SDCCAG8: variants seen among roughly 807,000 people sequenced by gnomAD.
The protein encoded by SDCCAG8 is serologically defined colon cancer antigen 8.
In SDCCAG8, 74 loss-of-function variants were observed where a neutral mutation model predicts 101.8. That is an observed-to-expected ratio of 0.73 (90% CI 0.60 to 0.88). The LOEUF is 0.88. Ranked by LOEUF, SDCCAG8 falls within the 40% of genes least tolerant of loss-of-function variation. The probability of loss-of-function intolerance (pLI) is 0.00; values close to 1 mark genes in which losing one functional copy is unlikely to be tolerated. For missense variants in SDCCAG8, 787 were observed against 822.6 expected (o/e 0.96, Z 0.53); for synonymous variants, 281 against 292.9 (o/e 0.96, Z 0.41).
intron 13 of SDCCAG8, among the ~76,000 whole-genome samples, chr1:243,381,819 C>T (rs1411271554): frequency 6.6e-6 from 1 of 152,132 alleles, no homozygotes; most frequent in Non-Finnish European, 1.5e-5. Context: ...ACTGTGACAA[C>T]AGTGCAATGA....
intron 12 of SDCCAG8, among the ~76,000 whole-genome samples, chr1:243,351,987 T>C (rs980090221): frequency 5.3e-5 from 8 of 152,214 alleles, no homozygotes; most frequent in Admixed American, 4.6e-4. Flanking sequence ...TTGTTAATGA[T>C]TTAGGCAGTT....
At chr1:243,257,319 T>A (rs1023154514) in intron 1 of SDCCAG8, among the ~76,000 whole-genome samples, 24 of 152,172 alleles carry the variant, frequency 1.6e-4, no homozygotes, top group African/African-American at 5.6e-4. Context: ...TTGAGAATAC[T>A]AAGTTATGAA....
chr1:243,289,165 T>G (rs541204971), intron 5 of SDCCAG8, among the ~76,000 whole-genome samples: 1 of 152,294 alleles, frequency 6.6e-6, no homozygotes. Flanking sequence ...ACAGGCCATC[T>G]GCAAGCTGAG....
chr1:243,461,863 C>G (rs1315800185), intron 16 of SDCCAG8, among the ~76,000 whole-genome samples: 2 of 152,162 alleles, frequency 1.3e-5, no homozygotes, highest in Admixed American at 6.5e-5. Context: ...AGCCCTCACA[C>G]ACATATTTAC....
intron 16 of SDCCAG8, among the ~76,000 whole-genome samples, chr1:243,460,876 A>C (rs1405118253): frequency 6.6e-6 from 1 of 152,192 alleles, no homozygotes; most frequent in Admixed American, 6.5e-5. Context: ...CTCCCAGCAC[A>C]CCTGAAGAAA....
chr1:243,393,358 CAGAT>C (rs2078831985), intron 13 of SDCCAG8, among the ~76,000 whole-genome samples: 4 of 151,952 alleles, frequency 2.6e-5, no homozygotes, highest in Admixed American at 2.6e-4. Context: ...CAGACAGTAA[CAGAT>C]AGGGCAGCTG....
intron 16 of SDCCAG8, among the ~76,000 whole-genome samples, chr1:243,441,485 C>A (rs770303596): frequency 2.0e-5 from 3 of 151,960 alleles, no homozygotes; most frequent in Non-Finnish European, 4.4e-5. Flanking sequence ...CTCTTCATTT[C>A]TAGAAGGAAA....
At chr1:243,271,963 A>G (rs1291062512) in intron 3 of SDCCAG8, among the ~76,000 whole-genome samples, 1 of 152,222 alleles carries the variant, frequency 6.6e-6, no homozygotes, top group South Asian at 2.1e-4. Context: ...TTGCTTTGAC[A>G]GAGTGTATTA....
At chr1:243,276,874 A>G (rs2068617196) in intron 4 of SDCCAG8, among the ~76,000 whole-genome samples, 1 of 152,160 alleles carries the variant, frequency 6.6e-6, no homozygotes, top group Non-Finnish European at 1.5e-5. Flanking sequence ...TGACTTGCAG[A>G]ATGTCATATA....
intron 16 of SDCCAG8, among the ~76,000 whole-genome samples, chr1:243,473,982 T>A (rs959271129): frequency 7.0e-6 from 1 of 143,310 alleles, no homozygotes; most frequent in Non-Finnish European, 1.5e-5. Flanking sequence ...CTTGCCAGTT[T>A]CAATTAAGTC....
At chr1:243,389,510 G>T (rs992776934) in intron 13 of SDCCAG8, among the ~76,000 whole-genome samples, 2 of 152,182 alleles carry the variant, frequency 1.3e-5, no homozygotes, top group Non-Finnish European at 2.9e-5. Flanking sequence ...ATCTACAGAA[G>T]TATTTGGCAA....
chr1:243,347,250 A>T (rs1474042349), intron 12 of SDCCAG8, among the ~76,000 whole-genome samples: 3 of 151,954 alleles, frequency 2.0e-5, no homozygotes, highest in Non-Finnish European at 4.4e-5. Context: ...ATGTTATTTT[A>T]CTCATAAATA....
intron 13 of SDCCAG8, among the ~76,000 whole-genome samples, chr1:243,383,491 G>T (rs112414600): frequency 6.6e-6 from 1 of 152,248 alleles, no homozygotes; most frequent in African/African-American, 2.4e-5. Context: ...TGGACATTAG[G>T]CATTTAAATT....
intron 12 of SDCCAG8, among the ~76,000 whole-genome samples, chr1:243,364,553 T>C (rs1007638791): frequency 2.6e-5 from 4 of 152,104 alleles, no homozygotes; most frequent in Admixed American, 2.0e-4. Flanking sequence ...GCCGGTGTGT[T>C]TGTATAGGCA....
At chr1:243,389,159 C>CCA (rs2078537622) in intron 13 of SDCCAG8, among the ~76,000 whole-genome samples, 1 of 142,670 alleles carries the variant, frequency 7.0e-6, no homozygotes, top group Non-Finnish European at 1.5e-5. Context: ...CTCCCCCCCC[C>CCA]AAAAAAAAAA....
chr1:243,395,313 C>T (rs955740094), intron 13 of SDCCAG8, among the ~76,000 whole-genome samples: 9 of 152,118 alleles, frequency 5.9e-5, no homozygotes, highest in Admixed American at 2.6e-4. Flanking sequence ...ATCAAATTAC[C>T]AGGATTGTTT....
At chr1:243,387,983 T>G (rs1295222169) in intron 13 of SDCCAG8, among the ~76,000 whole-genome samples, 2 of 152,198 alleles carry the variant, frequency 1.3e-5, no homozygotes, top group East Asian at 3.8e-4. Context: ...CCCAAAGTGC[T>G]AGGATTACAG....
intron 10 of SDCCAG8, among the ~76,000 whole-genome samples, chr1:243,332,463 T>G (rs916752975): frequency 1.3e-5 from 2 of 150,942 alleles, no homozygotes; most frequent in Admixed American, 6.6e-5. Flanking sequence ...GGTCTGGAGG[T>G]GATTATCATA....
intron 16 of SDCCAG8, among the ~76,000 whole-genome samples, chr1:243,478,212 T>C (rs573173017): frequency 2.0e-5 from 3 of 152,308 alleles, no homozygotes; most frequent in African/African-American, 7.2e-5. Context: ...AATAGAAGAA[T>C]GTCGGGCGTT....
Sources: allele counts gnomAD v4.1 joint callset (sites outside exome capture counted in the v4.1 genomes callset), GRCh38; gene constraint gnomAD v4.1.1; transcripts MANE v1.5; gene names NCBI Gene and HGNC (gene_info 2026-07-23, HGNC 2026-07-21).